The following FGF12 variants were observed in gnomAD, a reference collection of about 807,000 sequenced individuals.
The protein encoded by FGF12 is fibroblast growth factor 12, also known as fibroblast growth factor 12B.
In FGF12, 14 loss-of-function variants were observed where a neutral mutation model predicts 23.6. The observed-to-expected ratio is 0.59, with a 90% CI of 0.39 to 0.93. The LOEUF is 0.93. Ranked by LOEUF, FGF12 falls within the 40% of genes least tolerant of loss-of-function variation. The pLI, the probability that FGF12 is intolerant of heterozygous loss-of-function variation, is 0.00. For synonymous variants in FGF12, 62 were observed against 77.3 expected, an observed-to-expected ratio of 0.80 and a Z score of 1.04; for missense variants, 175 against 217.8, an observed-to-expected ratio of 0.80 and a Z score of 1.24.
rs34764932 is a variant in FGF12 at position 192,246,946 on chromosome 3, A to AAAGAAAGAAAAG, written c.229-76291_229-76290insCTTTTCTTTCTT. Among the ~76,000 whole-genome samples the AAAGAAAGAAAAG allele has an allele frequency of 1.7e-3, 236 of 137,908 alleles. 5 individuals are homozygous for AAAGAAAGAAAAG. In the Middle Eastern group the frequency reaches 0.019, roughly 11 times the overall value. 90.5% of individuals were successfully genotyped at this position (137,908 alleles called of 152,430 possible). The stretch of plus-strand genomic sequence containing the variant: ...AAAGAAAGAAAGAAGGAAAGAAAGA[A>AAAGAAAGAAAAG]AAAGAAAAGGAAAGAGAGGGAGGGA... On this transcript the variant is annotated intron_variant, in intron 4 of 5. Coordinates refer to ENST00000445105, the MANE Select transcript of FGF12 (RefSeq NM_004113.6).
intron 4 of FGF12, among the ~76,000 whole-genome samples, chr3:192,192,553 C>T (rs111353935): frequency 1.0e-3 from 151 of 150,076 alleles, no homozygotes; most frequent in African/African-American, 3.5e-3. Flanking sequence ...CAAGACAGAT[C>T]TTCGCACTTG....
At chr3:192,553,554 C>A (rs73887624) in intron 2 of FGF12, among the ~76,000 whole-genome samples, 1,910 of 152,232 alleles carry the variant, frequency 0.013, 46 homozygotes, top group African/African-American at 0.044. Context: ...CATAGGACAC[C>A]ATTTAACAGC....
intron 2 of FGF12, among the ~76,000 whole-genome samples, chr3:192,541,378 C>A (rs1382688138): frequency 2.0e-5 from 3 of 152,090 alleles, no homozygotes; most frequent in Non-Finnish European, 4.4e-5. Context: ...CAAATTAACA[C>A]CTATTGCATA....
intron 3 of FGF12, among the ~76,000 whole-genome samples, chr3:192,349,369 C>A (rs1718105082): frequency 2.0e-5 from 3 of 152,058 alleles, no homozygotes; most frequent in Admixed American, 1.3e-4. Context: ...CTAATTCTCA[C>A]TCATCAAAAT....
intron 3 of FGF12, among the ~76,000 whole-genome samples, chr3:192,340,244 C>T (rs1395930930): frequency 6.6e-6 from 1 of 152,016 alleles, no homozygotes; most frequent in Non-Finnish European, 1.5e-5. Context: ...CTGCCCTATT[C>T]CTGGATCCAG....
intron 4 of FGF12, among the ~76,000 whole-genome samples, chr3:192,255,438 G>A (rs983231100): frequency 3.9e-5 from 6 of 151,940 alleles, no homozygotes; most frequent in Non-Finnish European, 7.4e-5. Flanking sequence ...AGTAAGCTGA[G>A]TTGGGGAAGA....
intron 5 of FGF12, among the ~76,000 whole-genome samples, chr3:192,167,776 T>TAA (rs1715306807): frequency 3.2e-5 from 2 of 61,694 alleles, no homozygotes; most frequent in African/African-American, 4.3e-5. Flanking sequence ...TATAAAATTT[T>TAA]TTTTTTTTTT....
intron 2 of FGF12, among the ~76,000 whole-genome samples, chr3:192,575,927 A>T (rs1323969506): frequency 1.3e-5 from 2 of 152,212 alleles, no homozygotes. Flanking sequence ...TAAATATGAA[A>T]AAGGTACTTG....
chr3:192,704,702 C>G (rs1289984366), intron 2 of FGF12, among the ~76,000 whole-genome samples: 1 of 152,202 alleles, frequency 6.6e-6, no homozygotes, highest in Admixed American at 6.5e-5. Flanking sequence ...TGACTTCTTT[C>G]TCACTATGAA....
chr3:192,570,015 G>T (rs1265172270), intron 2 of FGF12, among the ~76,000 whole-genome samples: 1 of 152,224 alleles, frequency 6.6e-6, no homozygotes, highest in Admixed American at 6.5e-5. Context: ...AGTGATGACT[G>T]CAAGGAGGCA....
At chr3:192,352,947 C>A (rs1040701439) in intron 3 of FGF12, among the ~76,000 whole-genome samples, 14 of 152,160 alleles carry the variant, frequency 9.2e-5, no homozygotes, top group African/African-American at 3.4e-4. Flanking sequence ...TTCCTGCCTG[C>A]TGGTAACATA....
intron 2 of FGF12, among the ~76,000 whole-genome samples, chr3:192,608,807 T>G (rs1714441964): frequency 6.6e-6 from 1 of 152,166 alleles, no homozygotes; most frequent in African/African-American, 2.4e-5. Context: ...CTTATGCCAA[T>G]TTGATAAGCA....
chr3:192,533,976 T>C (rs1725161839), intron 2 of FGF12: 1 of 152,292 alleles, frequency 6.6e-6, no homozygotes, highest in Non-Finnish European at 1.5e-5. Context: ...AAATGTGAAT[T>C]TTTATAAGAT....
rs761715299 is a variant in FGF12 at position 192,407,988 on chromosome 3, C to T, written c.14-47450G>A. 11 of 1,546,620 alleles carry T rather than the reference C, an allele frequency of 7.1e-6. No homozygotes were observed. The East Asian group carries it at 2.5e-4, about 35-fold the overall frequency. On this transcript the variant is annotated intron_variant, in intron 2 of 5. Transcript: ENST00000445105. The stretch of plus-strand genomic sequence containing the variant: ...CTTTGAGGAGGGAGAAAGAGGGCGT[C>T]CCCTCTGGGGAGCCCACTCTCCGGG...
rs372866812 is a variant in FGF12 at position 192,218,445 on chromosome 3, C to T, written c.229-47789G>A. On this transcript the variant is annotated intron_variant, in intron 4 of 5. Coordinates refer to ENST00000445105, the MANE Select transcript of FGF12 (RefSeq NM_004113.6). ...TCTCATGAATGGTTAAATACTATCC[C>T]TTTGGTGCTGTTCTCATGATAGTGA... Among the ~76,000 whole-genome samples the T allele has an allele frequency of 1.2e-3, 185 of 152,216 alleles. 5 individuals carry two copies. The South Asian group carries it at 0.034, about 28-fold the overall frequency.
intron 2 of FGF12, among the ~76,000 whole-genome samples, chr3:192,598,005 G>C (rs1396331928): frequency 6.6e-6 from 1 of 152,204 alleles, no homozygotes; most frequent in Non-Finnish European, 1.5e-5. Context: ...TTAGAAAACA[G>C]TCAACACTTT....
chr3:192,658,383 CT>C (rs1425057378), intron 2 of FGF12, among the ~76,000 whole-genome samples: 1 of 152,208 alleles, frequency 6.6e-6, no homozygotes, highest in African/African-American at 2.4e-5. Flanking sequence ...CAGCTGCTGG[CT>C]TGTGAGAACG....
intron 2 of FGF12, among the ~76,000 whole-genome samples, chr3:192,629,835 G>A (rs1462613718): frequency 6.6e-6 from 1 of 152,134 alleles, no homozygotes; most frequent in African/African-American, 2.4e-5. Context: ...TCTGGGATCT[G>A]TCCGCGACTA....
chr3:192,590,872 A>T (rs184462805), intron 2 of FGF12, among the ~76,000 whole-genome samples: 1 of 151,874 alleles, frequency 6.6e-6, no homozygotes, highest in Non-Finnish European at 1.5e-5. Flanking sequence ...AGCCACAGTG[A>T]TGACCTGATA....
Sources: gnomAD v4.1 joint callset for allele counts (sites outside exome capture counted in the v4.1 genomes callset) on GRCh38, gnomAD v4.1.1 for gene constraint, MANE v1.5 for transcripts, NCBI Gene and HGNC (gene_info 2026-07-23, HGNC 2026-07-21) for gene names.